Variants in PSMD1 observed in about 807,000 individuals in gnomAD.
PSMD1 encodes proteasome 26S subunit, non-ATPase 1.
PSMD1 carries 18 observed loss-of-function variants against 119.0 expected under a neutral mutation model. The ratio of observed to expected loss-of-function variants is 0.15; its 90% CI spans 0.10 to 0.22. The LOEUF (loss-of-function observed/expected upper bound fraction) is 0.22. PSMD1 is among the 10% of genes least tolerant of loss of function. PSMD1 has a pLI of 1.00. For missense variants in PSMD1, 702 were observed against 1,158.5 expected, an observed-to-expected ratio of 0.61 and a Z score of 5.72; for synonymous variants, 374 against 396.6, an observed-to-expected ratio of 0.94 and a Z score of 0.68.
At chr2:231,143,393 C>G (rs1015053051) in intron 17 of PSMD1, among the ~76,000 whole-genome samples, 2 of 152,158 alleles carry the variant, frequency 1.3e-5, no homozygotes, top group African/African-American at 2.4e-5. Flanking sequence ...CCACGCCCAG[C>G]TAATTTTTGT....
At chr2:231,127,566 G>A (rs1453781003) in intron 16 of PSMD1, among the ~76,000 whole-genome samples, 1 of 152,146 alleles carries the variant, frequency 6.6e-6, no homozygotes, top group East Asian at 1.9e-4. Flanking sequence ...TGTTGACCAG[G>A]ATGGTCTCGA....
intron 18 of PSMD1, among the ~76,000 whole-genome samples, chr2:231,148,618 G>A (rs1696301433): frequency 6.6e-6 from 1 of 152,196 alleles, no homozygotes; most frequent in Admixed American, 6.5e-5. Context: ...ATAAATGTAA[G>A]TGTATATACC....
At chr2:231,126,733 A>G (rs1695729117) in intron 16 of PSMD1, among the ~76,000 whole-genome samples, 1 of 152,090 alleles carries the variant, frequency 6.6e-6, no homozygotes, top group Admixed American at 6.5e-5. Flanking sequence ...TTTTGCCTCA[A>G]CTTATAAAAA....
chr2:231,071,836 A>G (rs759302603), intron 6 of PSMD1, among the ~76,000 whole-genome samples: 8 of 152,234 alleles, frequency 5.3e-5, no homozygotes, highest in African/African-American at 1.9e-4. Flanking sequence ...CTTCCATAAT[A>G]TATGGTAAGG....
intron 17 of PSMD1, among the ~76,000 whole-genome samples, chr2:231,140,311 T>C (rs1025604053): frequency 2.6e-5 from 4 of 151,296 alleles, no homozygotes; most frequent in South Asian, 2.1e-4. Context: ...CTGACCATCA[T>C]GGTGTGAAAC....
chr2:231,062,346 G>A, intron 3 of PSMD1, 25 bp downstream of exon 3: 3 of 1,560,980 alleles, frequency 1.9e-6, no homozygotes, highest in Non-Finnish European at 2.6e-6. Flanking sequence ...TTATAAATCA[G>A]AATAAGATGG....
At chr2:231,144,114 G>A (rs1488930140) in intron 17 of PSMD1, among the ~76,000 whole-genome samples, 3 of 152,108 alleles carry the variant, frequency 2.0e-5, no homozygotes, top group Non-Finnish European at 4.4e-5. Context: ...ATTAGAGACA[G>A]GGTCAACTAT....
chr2:231,076,906 A>G, intron 8 of PSMD1, 128 bp from the exon 9 acceptor site: 2 of 765,658 alleles, frequency 2.6e-6, no homozygotes, highest in Non-Finnish European at 3.8e-6. Context: ...TAAAGAAAGA[A>G]ATAAATTATC....
intron 19 of PSMD1, among the ~76,000 whole-genome samples, chr2:231,158,509 AT>A (rs1696561967): frequency 1.3e-5 from 2 of 152,196 alleles, no homozygotes; most frequent in Admixed American, 1.3e-4. Flanking sequence ...TATTTATTAA[AT>A]CTCAGAATGT....
chr2:231,108,504 A>G lies in PSMD1; in HGVS notation c.1883+21323A>G, dbSNP rs1478187692. ...TTACTCATCATTATGTTTGATGACA[A>G]CTGCCAGTTCTGCTATACATAACTA... On this transcript the variant is annotated intron_variant, in intron 16 of 24. Coordinates refer to ENST00000308696, the MANE Select transcript of PSMD1 (RefSeq NM_002807.4). 4.4e-6 allele frequency: 7 copies of G among 1,603,068 alleles called. No individual in the cohort carries two copies. The African/African-American group carries it at 9.4e-5, about 21-fold the overall frequency.
chr2:231,118,574 T>C (rs1458079154), intron 16 of PSMD1, among the ~76,000 whole-genome samples: 1 of 152,098 alleles, frequency 6.6e-6, no homozygotes, highest in Non-Finnish European at 1.5e-5. Context: ...TTTTTGTTGG[T>C]TTGGGTATTT....
At chr2:231,084,914 CCTAT>C (rs1398476666) in intron 14 of PSMD1, 101 bp from the exon 15 acceptor site, 82 of 844,360 alleles carry the variant, frequency 9.7e-5, no homozygotes, top group Non-Finnish European at 1.5e-4. Flanking sequence ...CTCATCATTT[CCTAT>C]CTGAGACCAG....
chr2:231,118,192 T>C (rs1330121904), intron 16 of PSMD1, among the ~76,000 whole-genome samples: 3 of 151,612 alleles, frequency 2.0e-5, no homozygotes, highest in Non-Finnish European at 4.4e-5. Context: ...ACATGTGAAG[T>C]GTTTAGAACA....
intron 5 of PSMD1, 126 bp downstream of exon 5, chr2:231,067,237 C>A: frequency 1.5e-6 from 1 of 683,618 alleles, no homozygotes; most frequent in Non-Finnish European, 2.3e-6. Context: ...TGATCTTTTG[C>A]CAAATATTTT....
intron 16 of PSMD1, among the ~76,000 whole-genome samples, chr2:231,089,977 C>T (rs978828464): frequency 3.3e-5 from 5 of 152,204 alleles, no homozygotes; most frequent in African/African-American, 1.2e-4. Flanking sequence ...CAAGTTGACA[C>T]TCAGTATTAA....
intron 1 of PSMD1, among the ~76,000 whole-genome samples, chr2:231,058,710 A>G (rs1040142827): frequency 6.6e-6 from 1 of 151,614 alleles, no homozygotes; most frequent in South Asian, 2.1e-4. Flanking sequence ...TACTGTCTTC[A>G]CTCAATACAT....
chr2:231,072,324 G>A lies in PSMD1; in HGVS notation c.790G>A (p.Val264Ile). Reference sequence around the variant, plus strand: ...TGCTAGCCAGCAGTTTTTGTCATCTGTAATCCAGAATCTTCGAACTGTTGG... The same window carrying A: ...TGCTAGCCAGCAGTTTTTGTCATCTATAATCCAGAATCTTCGAACTGTTGG... ...ESASQQFLSS[V>I]IQNLRTVGTP... Residue 264 changes from valine (V) to isoleucine (I), a missense_variant, in exon 7 of 25, where the codon GTA becomes ATA. Val to Ile is a conservative substitution (Grantham distance 29). Coordinates refer to ENST00000308696, the MANE Select transcript of PSMD1 (RefSeq NM_002807.4). 1 of 1,614,070 alleles carries A rather than the reference G, an allele frequency of 6.2e-7. No homozygotes were observed. Among genetic ancestry groups the A allele is most frequent in the Non-Finnish European group, 8.5e-7 (1 of 1,179,942 alleles).
Position 231,066,920 on chromosome 2 carries a change from C to A in PSMD1, c.319C>A (p.His107Asn). 1 of 1,605,496 alleles carries A rather than the reference C, an allele frequency of 6.2e-7. No individual in the cohort carries two copies. The highest frequency in any genetic ancestry group is 1.1e-5 in the South Asian group (1 of 89,160). Residue 107 changes from histidine to asparagine, a missense_variant, in exon 5 of 25, where the codon CAC becomes AAC. Coordinates refer to ENST00000308696, the MANE Select transcript of PSMD1 (RefSeq NM_002807.4). ...TTCCTCAACAGCAAAATGCATTGAT[C>A]ACTACACCAAACAATGTGTGGAAAA... ...VETIIAKCID[H>N]YTKQCVENAD...
Position 231,165,931 on chromosome 2 carries a change from T to A in PSMD1, c.2629T>A (p.Leu877Ile). 1 of 1,613,910 alleles carries A rather than the reference T, an allele frequency of 6.2e-7. No homozygotes were observed. Among genetic ancestry groups the A allele is most frequent in the South Asian group, 1.1e-5 (1 of 91,062 alleles). Reference protein sequence around the residue: ...KKKEPEPNFQLLDNPARVMPA... With the variant: ...KKKEPEPNFQILDNPARVMPA... ...AAAAGAACCTGAGCCAAACTTCCAG[T>A]TATTGGATAACCCAGCCCGAGTTAT... is the stretch of plus-strand genomic sequence containing the variant. The change falls in exon 23 of 25, where the codon TTA (leucine) becomes ATA (isoleucine). Residue 877 changes from leucine (L) to isoleucine (I), a missense_variant. Leu to Ile is a conservative substitution (Grantham distance 5). Coordinates refer to ENST00000308696, the MANE Select transcript of PSMD1 (RefSeq NM_002807.4).
Sources: gnomAD v4.1 joint callset for allele counts (sites outside exome capture counted in the v4.1 genomes callset) on GRCh38, gnomAD v4.1.1 for gene constraint, MANE v1.5 for transcripts, NCBI Gene and HGNC (gene_info 2026-07-23, HGNC 2026-07-21) for gene names.